The following VPS54 variants were observed in gnomAD, a reference collection of about 807,000 sequenced individuals.
VPS54 encodes the protein vacuolar protein sorting-associated protein 54.
VPS54 carries 45 observed loss-of-function variants against 121.5 expected under a neutral mutation model. The ratio of observed to expected loss-of-function variants is 0.37; its 90% CI spans 0.29 to 0.47. The LOEUF (loss-of-function observed/expected upper bound fraction) is 0.47. VPS54 is among the 20% of genes least tolerant of loss of function. The pLI, the probability that VPS54 is intolerant of heterozygous loss-of-function variation, is 0.99. For synonymous variants in VPS54, 371 were observed against 385.8 expected, an observed-to-expected ratio of 0.96 and a Z score of 0.45; for missense variants, 1,090 against 1,131.4, an observed-to-expected ratio of 0.96 and a Z score of 0.52.
intron 3 of VPS54, among the ~76,000 whole-genome samples, chr2:63,977,039 G>T (rs189618749): frequency 6.6e-6 from 1 of 151,924 alleles, no homozygotes; most frequent in African/African-American, 2.4e-5. Flanking sequence ...ATGTTGGCCA[G>T]GCTGGTCTCG....
intron 1 of VPS54, among the ~76,000 whole-genome samples, chr2:64,012,423 T>G (rs77957272): frequency 0.013 from 1,947 of 145,880 alleles, 58 homozygotes; most frequent in African/African-American, 0.047. Context: ...CTAGCCTACT[T>G]CCAACAACGC....
chr2:63,906,530 T>C (rs1272901300), intron 20 of VPS54, among the ~76,000 whole-genome samples: 1 of 152,190 alleles, frequency 6.6e-6, no homozygotes, highest in South Asian at 2.1e-4. Context: ...AGTAAAGAGA[T>C]AGGTCCAGTG....
chr2:63,970,391 G>A (rs1395271715), intron 4 of VPS54, among the ~76,000 whole-genome samples: 3 of 146,538 alleles, frequency 2.0e-5, no homozygotes, highest in African/African-American at 7.6e-5. Context: ...ATAGTCAAAT[G>A]CCTCTTACCC....
chr2:63,948,412 C>CG (rs1675087676), intron 8 of VPS54, among the ~76,000 whole-genome samples: 2 of 120,946 alleles, frequency 1.7e-5, no homozygotes, highest in Non-Finnish European at 3.3e-5. Context: ...ATCACTTTTT[C>CG]GGTTTTTTTT....
Position 63,935,259 on chromosome 2 carries a change from G to T in VPS54, c.1399-1246C>A, listed in dbSNP as rs964988005. 2.0e-5 allele frequency among the ~76,000 whole-genome samples: 3 copies of T among 152,070 alleles called. No homozygotes were observed. The East Asian group carries it at 5.8e-4, about 29-fold the overall frequency. Reference sequence around the variant, plus strand: ...TGAGACCCTCTGAGTTGTGTTTCCTGTTATTTGGAACTGAAAGCATTTTAA... The same window carrying T: ...TGAGACCCTCTGAGTTGTGTTTCCTTTTATTTGGAACTGAAAGCATTTTAA... On this transcript the variant is annotated intron_variant, in intron 11 of 22. Transcript: ENST00000272322.
At chr2:63,893,914 G>C (rs1420371022) in intron 22 of VPS54, among the ~76,000 whole-genome samples, 1 of 152,136 alleles carries the variant, frequency 6.6e-6, no homozygotes, top group Non-Finnish European at 1.5e-5. Flanking sequence ...GTAAACTCAA[G>C]GGAAAAGCAG....
At chr2:63,991,398 T>C (rs1302420741) in intron 1 of VPS54, among the ~76,000 whole-genome samples, 2 of 152,148 alleles carry the variant, frequency 1.3e-5, no homozygotes, top group African/African-American at 4.8e-5. Context: ...GATCACGAGG[T>C]GTTCCCTGCA....
At chr2:63,898,270 C>T (rs1053403671) in intron 21 of VPS54, among the ~76,000 whole-genome samples, 1 of 152,084 alleles carries the variant, frequency 6.6e-6, no homozygotes, top group Non-Finnish European at 1.5e-5. Flanking sequence ...AGAATTAGAA[C>T]TCAGATGGCA....
intron 1 of VPS54, among the ~76,000 whole-genome samples, chr2:63,999,934 C>A (rs910106766): frequency 6.6e-6 from 1 of 152,086 alleles, no homozygotes; most frequent in Non-Finnish European, 1.5e-5. Context: ...GATCTCGTCT[C>A]ACTGCAACCT....
intron 20 of VPS54, among the ~76,000 whole-genome samples, chr2:63,909,414 T>C (rs1235760204): frequency 7.7e-5 from 1 of 12,996 alleles, no homozygotes; most frequent in Non-Finnish European, 2.1e-4. Context: ...ATTAGCTGCC[T>C]TTTTTTTTTT....
At chr2:63,906,964 G>C (rs758424965) in intron 20 of VPS54, among the ~76,000 whole-genome samples, 8 of 152,274 alleles carry the variant, frequency 5.3e-5, no homozygotes, top group Non-Finnish European at 8.8e-5. Flanking sequence ...AATAATGCTG[G>C]AGTAGCTAAG....
intron 3 of VPS54, among the ~76,000 whole-genome samples, chr2:63,976,407 C>T (rs1676533535): frequency 6.6e-6 from 1 of 151,026 alleles, no homozygotes. Context: ...GTTTTCTTTC[C>T]TTATAATGCT....
chr2:63,939,350 G>A (rs66660401), intron 11 of VPS54, among the ~76,000 whole-genome samples: 26,815 of 151,392 alleles, frequency 0.18, 3,152 homozygotes, highest in Non-Finnish European at 0.24. Flanking sequence ...CCAGCCTGGC[G>A]ACAGAGTGAA....
At chr2:63,922,969 C>T (rs1199963430) in intron 12 of VPS54, among the ~76,000 whole-genome samples, 1 of 151,448 alleles carries the variant, frequency 6.6e-6, no homozygotes, top group Non-Finnish European at 1.5e-5. Context: ...CCAAAAAGCC[C>T]AAAGTTAGTT....
chr2:64,014,163 A>T (rs886540756), intron 1 of VPS54, among the ~76,000 whole-genome samples: 9 of 152,226 alleles, frequency 5.9e-5, no homozygotes, highest in African/African-American at 2.2e-4. Context: ...TTAAATTCTC[A>T]CATCTGAAGA....
At chr2:63,985,736 G>A (rs554675314) in intron 1 of VPS54, among the ~76,000 whole-genome samples, 4 of 151,024 alleles carry the variant, frequency 2.6e-5, no homozygotes, top group African/African-American at 7.3e-5. Context: ...TTAAATTGTA[G>A]TTGGTTCTCT....
intron 4 of VPS54, among the ~76,000 whole-genome samples, chr2:63,969,996 AC>A (rs1676190140): frequency 6.6e-6 from 1 of 151,806 alleles, no homozygotes; most frequent in Non-Finnish European, 1.5e-5. Context: ...AACCTACTTT[AC>A]TTTCATCCTG....
intron 5 of VPS54, among the ~76,000 whole-genome samples, chr2:63,966,443 T>G (rs563400492): frequency 1.3e-5 from 2 of 152,204 alleles, no homozygotes; most frequent in Non-Finnish European, 2.9e-5. Flanking sequence ...ATTTTATGAA[T>G]AGACTACTCT....
At chr2:64,009,965 C>T (rs937597730) in intron 1 of VPS54, among the ~76,000 whole-genome samples, 1 of 151,958 alleles carries the variant, frequency 6.6e-6, no homozygotes, top group African/African-American at 2.4e-5. Flanking sequence ...CCTCAGCCTC[C>T]CAAGAAAATG....
Sources: gnomAD v4.1 joint callset for allele counts (sites outside exome capture counted in the v4.1 genomes callset) on GRCh38, gnomAD v4.1.1 for gene constraint, MANE v1.5 for transcripts, NCBI Gene and HGNC (gene_info 2026-07-23, HGNC 2026-07-21) for gene names.